Variants in ZNF76 observed in about 807,000 individuals in gnomAD.
ZNF76 encodes the protein zinc finger protein 523.
ZNF76 carries 66 observed loss-of-function variants against 66.9 expected under a neutral mutation model. That is an observed-to-expected ratio of 0.99 (90% CI 0.81 to 1.21). ZNF76 has a LOEUF of 1.21. Among genes scored for constraint, ZNF76 ranks in the 50% most tolerant of loss-of-function variants. The pLI is 0.00. For missense variants in ZNF76, 729 were observed against 760.3 expected, an observed-to-expected ratio of 0.96 and a Z score of 0.48; for synonymous variants, 275 against 296.1, an observed-to-expected ratio of 0.93 and a Z score of 0.73.
intron 1 of ZNF76, among the ~76,000 whole-genome samples, chr6:35,262,189 C>G (rs932903538): frequency 2.0e-5 from 3 of 152,168 alleles, no homozygotes; most frequent in Non-Finnish European, 4.4e-5. Flanking sequence ...TCAGACTCTT[C>G]TCTGTGTCCC....
Position 35,294,453 on chromosome 6 carries a change from C to A in ZNF76, c.1495-3C>A. The stretch of plus-strand genomic sequence containing the variant: ...GAATGGAAGACCTCCTTTTGTCTTT[C>A]AGGTCACAATCATTACCTCTGGGGC... On this transcript the variant is annotated splice_polypyrimidine_tract_variant and splice_region_variant and intron_variant, in intron 12 of 13. Coordinates refer to ENST00000373953, the MANE Select transcript of ZNF76 (RefSeq NM_003427.5). 1 of 1,606,910 alleles carries A rather than the reference C, an allele frequency of 6.2e-7. No individual in the cohort carries two copies. Among genetic ancestry groups the A allele is most frequent in the Non-Finnish European group, 8.5e-7 (1 of 1,173,656 alleles).
chr6:35,273,675 G>A (rs1787471608), intron 1 of ZNF76, among the ~76,000 whole-genome samples: 1 of 150,824 alleles, frequency 6.6e-6, no homozygotes, highest in Admixed American at 6.6e-5. Flanking sequence ...CAGCTACTCA[G>A]GAGGCTGAGG....
intron 1 of ZNF76, among the ~76,000 whole-genome samples, chr6:35,273,111 GC>G (rs759749351): frequency 6.6e-5 from 10 of 150,644 alleles, no homozygotes; most frequent in Admixed American, 1.3e-4. Flanking sequence ...AGCTGAGCTC[GC>G]ACCACTGCAC....
chr6:35,269,387 G>A (rs548595736), intron 1 of ZNF76, among the ~76,000 whole-genome samples: 5 of 151,880 alleles, frequency 3.3e-5, no homozygotes, highest in African/African-American at 1.2e-4. Flanking sequence ...GGGGTCTCAG[G>A]CTCATTATAC....
At chr6:35,259,953 C>T (rs1381764443) in intron 1 of ZNF76, 112 bp downstream of exon 1, 2 of 152,126 alleles carry the variant, frequency 1.3e-5, no homozygotes, top group Non-Finnish European at 2.9e-5. Context: ...CCGGCCCTAG[C>T]AGGGCGGCCT....
At position 35,267,926 on chromosome 6, in the gene ZNF76, C is replaced by T. The variant is rs191352292; in HGVS notation, c.-97+8085C>T. Among the ~76,000 whole-genome samples the T allele has an allele frequency of 2.2e-3, 334 of 152,262 alleles. 2 individuals carry two copies. Among genetic ancestry groups the T allele is most frequent in the African/African-American group, 7.6e-3 (315 of 41,550 alleles). On this transcript the variant is annotated intron_variant, in intron 1 of 13. Coordinates refer to ENST00000373953, the MANE Select transcript of ZNF76 (RefSeq NM_003427.5). ...CAGTTCCTTCCCTCCTCCATTCTTT[C>T]GTTCAACATTTACTTCCTTGCCAGG... is the stretch of plus-strand genomic sequence containing the variant.
chr6:35,290,756 G>C, intron 7 of ZNF76, 40 bp downstream of exon 7: 1 of 1,603,428 alleles, frequency 6.2e-7, no homozygotes, highest in African/African-American at 1.3e-5. Flanking sequence ...GAGGGTGGAG[G>C]GTTCTCGTTC....
rs1257553021 is a variant in ZNF76 at position 35,295,227 on chromosome 6, A to G, written c.1692A>G (p.Thr564=). The G allele has an allele frequency of 7.5e-6, 12 of 1,607,350 alleles. No individual in the cohort carries two copies. Among genetic ancestry groups the G allele is most frequent in the South Asian group, 5.6e-5 (5 of 89,762 alleles). ...MQQGAVTLET[T]VSESGC is the part of the protein sequence containing the mutation. ...AAGGGGCTGTGACCCTGGAGACAAC[A>G]GTGTCGGAGAGTGGCTGCTGAGTCC... is the stretch of plus-strand genomic sequence containing the variant. The change falls in exon 14 of 14, where the codon ACA becomes ACG. Residue 564 remains threonine, a synonymous_variant. Coordinates refer to ENST00000373953, the MANE Select transcript of ZNF76 (RefSeq NM_003427.5).
rs1301154483 is a variant in ZNF76 at position 35,294,493 on chromosome 6, ACTCAAGTGTAG to A, written c.1534_1544del (p.Ser512IlefsTer97). On this transcript the variant is annotated frameshift_variant, in exon 13 of 14. Transcript: ENST00000373953. LOFTEE classifies it high-confidence loss of function. Reference sequence around the variant, plus strand: ...ACCTCTGGGGCTGTGGTGGCTGAGGACTCAAGTGTAGCATCTCTTCGTCATCAACAGGTGGC... The same window carrying A: ...ACCTCTGGGGCTGTGGTGGCTGAGGACATCTCTTCGTCATCAACAGGTGGC... 2 of 1,613,838 alleles carry A rather than the reference ACTCAAGTGTAG, an allele frequency of 1.2e-6. No homozygotes were observed. The highest frequency in any genetic ancestry group is 1.7e-6 in the Non-Finnish European group (2 of 1,180,002).
intron 1 of ZNF76, among the ~76,000 whole-genome samples, chr6:35,271,669 CAAA>C (rs1248714563): frequency 3.0e-5 from 3 of 100,586 alleles, no homozygotes; most frequent in Non-Finnish European, 6.1e-5. Context: ...GACTCCGTCT[CAAA>C]AAAAAAAAAA....
At chr6:35,281,766 T>TA (rs890178378) in intron 2 of ZNF76, among the ~76,000 whole-genome samples, 24 of 151,314 alleles carry the variant, frequency 1.6e-4, no homozygotes, top group African/African-American at 5.3e-4. Flanking sequence ...CTCTTGTCTC[T>TA]AAAAAAAATA....
intron 1 of ZNF76, among the ~76,000 whole-genome samples, chr6:35,273,192 G>A (rs1476872284): frequency 6.7e-6 from 1 of 150,154 alleles, no homozygotes; most frequent in Non-Finnish European, 1.5e-5. Flanking sequence ...AAAAAAAAAC[G>A]AGTCTCACTC....
At chr6:35,277,211 G>T (rs1442014051) in intron 1 of ZNF76, among the ~76,000 whole-genome samples, 1 of 152,184 alleles carries the variant, frequency 6.6e-6, no homozygotes, top group Non-Finnish European at 1.5e-5. Context: ...TTGAAGGTCA[G>T]AGCAGACCAA....
intron 1 of ZNF76, among the ~76,000 whole-genome samples, chr6:35,274,757 C>A (rs1787632273): frequency 6.6e-6 from 1 of 152,214 alleles, no homozygotes; most frequent in Non-Finnish European, 1.5e-5. Context: ...TCTCTCTCCT[C>A]AATAATTACA....
At chr6:35,283,428 A>C (rs1294004452) in intron 2 of ZNF76, among the ~76,000 whole-genome samples, 2 of 152,204 alleles carry the variant, frequency 1.3e-5, no homozygotes, top group Non-Finnish European at 2.9e-5. Context: ...ATTGTAAGAG[A>C]CTTATCTTTA....
intron 2 of ZNF76, among the ~76,000 whole-genome samples, chr6:35,281,544 CT>C (rs780872415): frequency 6.6e-6 from 1 of 152,302 alleles, no homozygotes; most frequent in African/African-American, 2.4e-5. Flanking sequence ...CAGATATCCC[CT>C]GTCACAGTTT....
rs867850680 is a variant in ZNF76 at position 35,286,387 on chromosome 6, C to A, written c.220C>A (p.Arg74Ser). Residue 74 changes from arginine to serine, a missense_variant, in exon 4 of 14, where the codon CGC becomes AGC. By Grantham distance (110) the Arg-to-Ser change is moderately radical. Coordinates refer to ENST00000373953, the MANE Select transcript of ZNF76 (RefSeq NM_003427.5). ...LEDGSMAYIH[R>S]TPREGYDPST... ...AGATGGCAGCATGGCTTACATACACCGCACACCCAGAGGTAGGGTCACCAT... is the reference window on the plus strand; with the variant it reads ...AGATGGCAGCATGGCTTACATACACAGCACACCCAGAGGTAGGGTCACCAT... 6.2e-7 allele frequency: 1 copy of A among 1,614,040 alleles called. No homozygotes were observed. Among genetic ancestry groups the A allele is most frequent in the Non-Finnish European group, 8.5e-7 (1 of 1,180,004 alleles).
chr6:35,264,962 T>G (rs1785780887), intron 1 of ZNF76, among the ~76,000 whole-genome samples: 2 of 152,104 alleles, frequency 1.3e-5, no homozygotes, highest in African/African-American at 2.4e-5. Context: ...AGAGCTCTAC[T>G]AGGGTCTTCC....
Position 35,291,694 on chromosome 6 carries a change from C to G in ZNF76, c.888C>G (p.Phe296Leu). The G allele has an allele frequency of 6.2e-7, 1 of 1,612,694 alleles. No homozygotes were observed. The highest frequency in any genetic ancestry group is 8.5e-7 in the Non-Finnish European group (1 of 1,180,000). ...TCPEPHCGRG[F>L]TSATNYKNHV... ...CGGAGCCCCACTGTGGCCGCGGCTT[C>G]ACCAGCGCCACCAACTATAAGAATC... Residue 296 changes from phenylalanine to leucine, a missense_variant, in exon 9 of 14, where the codon TTC (phenylalanine) becomes TTG (leucine). Physicochemically the swap from Phe to Leu is conservative, Grantham distance 22 (BLOSUM62 0). Coordinates refer to ENST00000373953, the MANE Select transcript of ZNF76 (RefSeq NM_003427.5).
Sources: gnomAD v4.1 joint callset for allele counts (sites outside exome capture counted in the v4.1 genomes callset) on GRCh38, gnomAD v4.1.1 for gene constraint, MANE v1.5 for transcripts, NCBI Gene and HGNC (gene_info 2026-07-23, HGNC 2026-07-21) for gene names.